The following GCN1 variants were observed in gnomAD, a reference collection of about 807,000 sequenced individuals.
GCN1 encodes the protein stalled ribosome sensor GCN1.
GCN1 carries 90 observed loss-of-function variants against 288.4 expected under a neutral mutation model. The observed-to-expected ratio is 0.31, with a 90% CI of 0.26 to 0.37. The LOEUF is 0.37. GCN1 is among the 10% of genes least tolerant of loss of function. GCN1 has a pLI of 1.00. For missense variants in GCN1, 2,586 were observed against 3,419.9 expected (o/e 0.76, Z 6.08); for synonymous variants, 1,386 against 1,420.2 (o/e 0.98, Z 0.54).
rs1216344461 is a variant in GCN1, at chr12:120,156,769, C to T, written c.3168+143G>A. 1 of 883,652 alleles carries T rather than the reference C, an allele frequency of 1.1e-6. No homozygotes were observed. Among genetic ancestry groups the T allele is most frequent in the Non-Finnish European group, 1.8e-6 (1 of 549,216 alleles). 54.7% of individuals were successfully genotyped at this position (883,652 alleles called of 1,614,324 possible). The stretch of plus-strand genomic sequence containing the variant: ...AAACCCCTCACTAGCTAACAACAGT[C>T]AGGCTGGCTCTCTAAAGCAGTCTTT... On this transcript the variant is annotated intron_variant, in intron 27 of 57. Coordinates refer to ENST00000300648, the MANE Select transcript of GCN1 (RefSeq NM_006836.2). This position sits in a 1 kb window ranked among gnomAD's most constrained non-coding sequence, Gnocchi z 5.8.
In GCN1 at chr12:120,155,167, G is replaced by T; in HGVS notation, c.3630+74C>A. Reference sequence around the variant, plus strand: ...GTGAGCCCCGAGATTCCTGTCTGGAGCAGTAGCGGGGTGAGCAGAGACCCA... The same window carrying T: ...GTGAGCCCCGAGATTCCTGTCTGGATCAGTAGCGGGGTGAGCAGAGACCCA... On this transcript the variant is annotated intron_variant, in intron 30 of 57. Coordinates refer to ENST00000300648, the MANE Select transcript of GCN1 (RefSeq NM_006836.2). The surrounding 1 kb of genome is among the most constrained non-coding windows in gnomAD (Gnocchi z 4.9). 1 of 1,538,140 alleles carries T rather than the reference G, an allele frequency of 6.5e-7. No individual in the cohort carries two copies. The highest frequency in any genetic ancestry group is 9.0e-7 in the Non-Finnish European group (1 of 1,111,646).
chr12:120,173,855 T>A, intron 13 of GCN1, 29 bp from the exon 14 acceptor site: 1 of 1,588,518 alleles, frequency 6.3e-7, no homozygotes, highest in South Asian at 1.1e-5. Flanking sequence ...GTCCAGTCAG[T>A]CCAATGTCTT....
intron 5 of GCN1, among the ~76,000 whole-genome samples, chr12:120,179,495 G>A (rs1233641133): frequency 6.6e-6 from 1 of 151,916 alleles, no homozygotes; most frequent in East Asian, 1.9e-4. Flanking sequence ...CGCCTCACGG[G>A]TTCACACCAT....
rs563760459 is a variant in GCN1, at chr12:120,143,576, C to T, written c.5496-635G>A. ...CAGCCTGGGTGACAGAGCGAGACTC[C>T]GTCTCAAAAAGGAAAAAAAAAAAAA... On this transcript the variant is annotated intron_variant, in intron 42 of 57. Coordinates refer to ENST00000300648, the MANE Select transcript of GCN1 (RefSeq NM_006836.2). Among the ~76,000 whole-genome samples, 6 of 143,746 alleles carry T rather than the reference C, an allele frequency of 4.2e-5. No homozygotes were observed. In the South Asian group the frequency reaches 9.1e-4, roughly 22 times the overall value. The allele number at this position is 143,746 out of a possible 152,430, so 94.3% of individuals were successfully genotyped here.
chr12:120,153,072 C>T lies in GCN1; in HGVS notation c.4062+141G>A, dbSNP rs553821971. 2.6e-4 allele frequency: 174 copies of T among 663,810 alleles called. 1 individual carries two copies. The South Asian group carries it at 3.2e-3, about 12-fold the overall frequency. 41.1% of individuals were successfully genotyped at this position (663,810 alleles called of 1,614,324 possible). On this transcript the variant is annotated intron_variant, in intron 33 of 57. Transcript: ENST00000300648. This position sits in a 1 kb window ranked among gnomAD's most constrained non-coding sequence, Gnocchi z 4.4. Reference sequence around the variant, plus strand: ...TGACTATAAACCAGGCTCTCCCCTGCGAGAGGGGGTGAATCCTTAACAAGA... The same window carrying T: ...TGACTATAAACCAGGCTCTCCCCTGTGAGAGGGGGTGAATCCTTAACAAGA...
At chr12:120,147,701 G>T (rs1594266815) in intron 37 of GCN1, among the ~76,000 whole-genome samples, 2 of 152,148 alleles carry the variant, frequency 1.3e-5, no homozygotes, top group Non-Finnish European at 2.9e-5. Flanking sequence ...CTGAAGTACT[G>T]ACTGGGCACT....
At chr12:120,170,932 G>A (rs939806683) in intron 14 of GCN1, among the ~76,000 whole-genome samples, 1 of 151,756 alleles carries the variant, frequency 6.6e-6, no homozygotes. Flanking sequence ...AGGCTGAGGC[G>A]GGGGGGATCA....
chr12:120,188,848 CAAAAA>C (rs780062013), intron 2 of GCN1, among the ~76,000 whole-genome samples: 1 of 70,896 alleles, frequency 1.4e-5, no homozygotes, highest in Non-Finnish European at 3.1e-5. Flanking sequence ...GACTCCGTCT[CAAAAA>C]AAAAAAAAAA....
chr12:120,142,951 A>C lies in GCN1; in HGVS notation c.5496-10T>G. The C allele has an allele frequency of 3.3e-6, 5 of 1,533,942 alleles. No individual in the cohort carries two copies. The highest frequency in any genetic ancestry group is 4.5e-6 in the Non-Finnish European group (5 of 1,107,094). The stretch of plus-strand genomic sequence containing the variant: ...CTGAACAGAGCTGAACCTGAGAAGG[A>C]GGCCAACAACACAGTCACACAGCTG... On this transcript the variant is annotated splice_polypyrimidine_tract_variant and intron_variant, in intron 42 of 57. Coordinates refer to ENST00000300648, the MANE Select transcript of GCN1 (RefSeq NM_006836.2). This position sits in a 1 kb window ranked among gnomAD's most constrained non-coding sequence, Gnocchi z 4.9.
At chr12:120,141,705 A>G (rs1283220395) in intron 44 of GCN1, among the ~76,000 whole-genome samples, 1 of 152,112 alleles carries the variant, frequency 6.6e-6, no homozygotes, top group African/African-American at 2.4e-5. Context: ...AACATTATTT[A>G]TTCCCTCTGT....
Position 120,156,326 on chromosome 12 carries a change from A to G in GCN1, c.3312+135T>C, listed in dbSNP as rs1163199920. ...GTGTTCTGATTCTCAGAGAGACCCC[A>G]ACCATGTGACTTCTTCTCTTTGCCT... is the stretch of plus-strand genomic sequence containing the variant. On this transcript the variant is annotated intron_variant, in intron 28 of 57. Coordinates refer to ENST00000300648, the MANE Select transcript of GCN1 (RefSeq NM_006836.2). This position sits in a 1 kb window ranked among gnomAD's most constrained non-coding sequence, Gnocchi z 5.8. 1.3e-6 allele frequency: 1 copy of G among 793,878 alleles called. No individual in the cohort carries two copies. The highest frequency in any genetic ancestry group is 2.0e-6 in the Non-Finnish European group (1 of 491,066). The allele number at this position is 793,878 out of a possible 1,614,324, so 49.2% of individuals were successfully genotyped here. A position where few individuals can be genotyped will look rare whatever the true frequency, so the allele number is the denominator to read the frequency against.
At chr12:120,172,243 C>A (rs150045370) in intron 14 of GCN1, among the ~76,000 whole-genome samples, 1 of 152,280 alleles carries the variant, frequency 6.6e-6, no homozygotes, top group Non-Finnish European at 1.5e-5. Flanking sequence ...TACATTTCTA[C>A]CCATGGAAAA....
chr12:120,148,382 C>T (rs1415215128), intron 36 of GCN1, 36 bp from the exon 37 acceptor site: 2 of 1,575,250 alleles, frequency 1.3e-6, no homozygotes, highest in South Asian at 1.1e-5. Flanking sequence ...TACTGAATCA[C>T]TGAGCAAAGG....
Position 120,134,268 on chromosome 12 carries a change from A to C in GCN1, c.7317+23T>G. 6.5e-7 allele frequency: 1 copy of C among 1,530,532 alleles called. No homozygotes were observed. Among genetic ancestry groups the C allele is most frequent in the Non-Finnish European group, 9.1e-7 (1 of 1,104,252 alleles). 94.8% of individuals were successfully genotyped at this position (1,530,532 alleles called of 1,614,324 possible). ...GGGAAACCAGTGGTCCAGTGCTGCC[A>C]CTAGTCCTGCCTGCAGCCGTACCTC... On this transcript the variant is annotated intron_variant, in intron 53 of 57. Coordinates refer to ENST00000300648, the MANE Select transcript of GCN1 (RefSeq NM_006836.2). This position sits in a 1 kb window ranked among gnomAD's most constrained non-coding sequence, Gnocchi z 5.0.
intron 12 of GCN1, among the ~76,000 whole-genome samples, chr12:120,174,597 T>C (rs1878417986): frequency 6.6e-6 from 1 of 150,890 alleles, no homozygotes; most frequent in Non-Finnish European, 1.5e-5. Flanking sequence ...GAGACCATCC[T>C]GGCCAACGTG....
chr12:120,129,882 C>T (rs1267355090), intron 56 of GCN1, among the ~76,000 whole-genome samples: 1 of 152,216 alleles, frequency 6.6e-6, no homozygotes, highest in Admixed American at 6.5e-5. Flanking sequence ...GGGTCCTCCC[C>T]ATGGGCTCCA....
chr12:120,188,114 G>A (rs1297998890), intron 2 of GCN1, among the ~76,000 whole-genome samples: 1 of 152,102 alleles, frequency 6.6e-6, no homozygotes, highest in Non-Finnish European at 1.5e-5. Flanking sequence ...ACACCTTGTT[G>A]CGAATATTCC....
At position 120,153,609 on chromosome 12, in the gene GCN1, A is replaced by C; in HGVS notation, c.3867+135T>G. The C allele has an allele frequency of 1.1e-6, 1 of 949,588 alleles. No homozygotes were observed. The highest frequency in any genetic ancestry group is 1.6e-6 in the Non-Finnish European group (1 of 623,592). 58.8% of individuals were successfully genotyped at this position (949,588 alleles called of 1,614,324 possible). A position where few individuals can be genotyped will look rare whatever the true frequency, so the allele number is the denominator to read the frequency against. ...ACACTATCATGGTCTTTTTGGCTCA[A>C]AGTGCTCTGCCAGGACTCTTGGCAC... On this transcript the variant is annotated intron_variant, in intron 32 of 57. Coordinates refer to ENST00000300648, the MANE Select transcript of GCN1 (RefSeq NM_006836.2). The surrounding 1 kb of genome is among the most constrained non-coding windows in gnomAD (Gnocchi z 4.4).
In GCN1 at chr12:120,150,397, C is replaced by T. The variant is rs184893581; in HGVS notation, c.4310-354G>A. Among the ~76,000 whole-genome samples the T allele has an allele frequency of 8.6e-3, 1,301 of 150,934 alleles. 14 individuals carry two copies. Among genetic ancestry groups the T allele is most frequent in the African/African-American group, 0.03 (1,223 of 41,092 alleles). ...AGATCACGAGGTCAGGAAATAGAGACCATCTTGGCCAACATGGTGAAACCC... is the reference window on the plus strand; with the variant it reads ...AGATCACGAGGTCAGGAAATAGAGATCATCTTGGCCAACATGGTGAAACCC... On this transcript the variant is annotated intron_variant, in intron 34 of 57. Coordinates refer to ENST00000300648, the MANE Select transcript of GCN1 (RefSeq NM_006836.2).
Sources: gnomAD v4.1 joint callset for allele counts (sites outside exome capture counted in the v4.1 genomes callset) on GRCh38, gnomAD v4.1.1 for gene constraint, Gnocchi (gnomAD v3.1) non-coding constraint, MANE v1.5 for transcripts, NCBI Gene and HGNC (gene_info 2026-07-23, HGNC 2026-07-21) for gene names.